The following ARFGEF2 variants were observed in gnomAD, a reference collection of about 807,000 sequenced individuals.
ARFGEF2 encodes brefeldin A-inhibited guanine nucleotide-exchange protein 2.
Under a neutral mutation model 219.9 loss-of-function variants are expected in ARFGEF2, and 74 were observed. The observed-to-expected ratio is 0.34, with a 90% CI of 0.28 to 0.41. The LOEUF (loss-of-function observed/expected upper bound fraction) is 0.41. Among genes scored for constraint, ARFGEF2 ranks in the 10% least tolerant of loss-of-function variants. The pLI is 1.00. For missense variants in ARFGEF2, 1,743 were observed against 2,218.3 expected (o/e 0.79, Z 4.30); for synonymous variants, 733 against 799.2 (o/e 0.92, Z 1.40).
intron 36 of ARFGEF2, among the ~76,000 whole-genome samples, chr20:49,026,860 ACAGGCAT>A (rs1016553364): frequency 6.6e-6 from 1 of 152,192 alleles, no homozygotes; most frequent in African/African-American, 2.4e-5. Context: ...TTCTAGGATT[ACAGGCAT>A]GAGCCACTGC....
chr20:49,016,988 AT>A (rs1821765884), intron 31 of ARFGEF2, among the ~76,000 whole-genome samples: 1 of 152,134 alleles, frequency 6.6e-6, no homozygotes, highest in South Asian at 2.1e-4. Flanking sequence ...TTCTATTACC[AT>A]TTTTCATACA....
chr20:48,971,003 G>A (rs890885837), intron 9 of ARFGEF2, 117 bp from the exon 10 acceptor site: 2 of 839,720 alleles, frequency 2.4e-6, no homozygotes, highest in Non-Finnish European at 4.0e-6. Flanking sequence ...TGACATTTAG[G>A]TGCTATTAAT....
intron 25 of ARFGEF2, chr20:48,999,253 T>C (rs1471626399): frequency 2.2e-6 from 1 of 453,136 alleles, no homozygotes; most frequent in Admixed American, 2.4e-5. Context: ...AAAAAATTAA[T>C]AATTGTTTTT....
At chr20:48,968,422 T>C (rs974527477) in intron 8 of ARFGEF2, among the ~76,000 whole-genome samples, 5 of 151,214 alleles carry the variant, frequency 3.3e-5, no homozygotes, top group South Asian at 2.1e-4. Context: ...TATTCTTTTT[T>C]TTACTTTTTT....
At chr20:48,946,669 G>A (rs2091030181) in intron 3 of ARFGEF2, among the ~76,000 whole-genome samples, 1 of 151,898 alleles carries the variant, frequency 6.6e-6, no homozygotes, top group South Asian at 2.1e-4. Context: ...GGGACCACGG[G>A]CTAATTTTTC....
intron 3 of ARFGEF2, among the ~76,000 whole-genome samples, chr20:48,950,990 C>G (rs745850662): frequency 1.3e-5 from 2 of 151,558 alleles, no homozygotes; most frequent in African/African-American, 4.9e-5. Flanking sequence ...TGTCTCCCTA[C>G]GCCGCCCCCC....
chr20:48,988,596 G>A lies in ARFGEF2; in HGVS notation c.2467G>A (p.Glu823Lys). 6.2e-7 allele frequency: 1 copy of A among 1,613,858 alleles called. No individual in the cohort carries two copies. Among genetic ancestry groups the A allele is most frequent in the Non-Finnish European group, 8.5e-7 (1 of 1,179,896 alleles). ...EYLSSIYEEI[E>K]GKKIAMKETK... ...TCTCTCAAGCATCTATGAAGAGATA[G>A]AAGGCAAGAAAATTGCAATGAAAGA... The change falls in exon 18 of 39, where the codon GAA becomes AAA. Residue 823 changes from glutamate to lysine, a missense_variant. Transcript: ENST00000371917.
intron 4 of ARFGEF2, 85 bp downstream of exon 4, chr20:48,951,554 A>T: frequency 4.4e-6 from 7 of 1,574,984 alleles, no homozygotes; most frequent in Non-Finnish European, 6.1e-6. Context: ...ACTATGTGTT[A>T]GTTGTCTCAG....
chr20:49,023,018 A>G (rs992969837), intron 34 of ARFGEF2, 33 bp from the exon 35 acceptor site: 1 of 1,613,792 alleles, frequency 6.2e-7, no homozygotes, highest in Middle Eastern at 1.7e-4. Context: ...TGGCTGAATC[A>G]TTATTAGGGT....
At chr20:49,025,552 A>G (rs2091597066) in intron 36 of ARFGEF2, 71 bp downstream of exon 36, 2 of 1,560,564 alleles carry the variant, frequency 1.3e-6, no homozygotes. Context: ...GTGCTTGGAA[A>G]ATGCCCAAAA....
chr20:49,027,148 G>C (rs1164793341), intron 36 of ARFGEF2, among the ~76,000 whole-genome samples: 2 of 151,600 alleles, frequency 1.3e-5, no homozygotes, highest in Non-Finnish European at 2.9e-5. Context: ...GCAGTGGCGT[G>C]ATCTTGGCTC....
At chr20:48,971,648 T>TC (rs2091228442) in intron 10 of ARFGEF2, among the ~76,000 whole-genome samples, 3 of 152,070 alleles carry the variant, frequency 2.0e-5, no homozygotes. Flanking sequence ...ACGCCTGTAA[T>TC]CCCAGCACTT....
In ARFGEF2 at chr20:48,991,181, G is replaced by A; in HGVS notation, c.2956G>A (p.Gly986Arg). ...GGCTCACACCGATGGCAACTACCTT[G>A]GGAATTCCTGGCATGAGGTACGTGT... is the stretch of plus-strand genomic sequence containing the variant. ...TVAHTDGNYL[G>R]NSWHEILKCI... The change falls in exon 21 of 39, where the codon GGG becomes AGG. Residue 986 changes from glycine (G) to arginine (R), a missense_variant. Coordinates refer to ENST00000371917, the MANE Select transcript of ARFGEF2 (RefSeq NM_006420.3). 6.2e-7 allele frequency: 1 copy of A among 1,614,164 alleles called. No homozygotes were observed. Among genetic ancestry groups the A allele is most frequent in the Non-Finnish European group, 8.5e-7 (1 of 1,180,032 alleles).
intron 25 of ARFGEF2, among the ~76,000 whole-genome samples, chr20:49,004,726 A>AG (rs1490446983): frequency 6.6e-6 from 1 of 151,838 alleles, no homozygotes; most frequent in African/African-American, 2.4e-5. Flanking sequence ...GGGGAGATGG[A>AG]GGTTGCAGTG....
intron 7 of ARFGEF2, among the ~76,000 whole-genome samples, 185 bp from the exon 8 acceptor site, chr20:48,965,687 G>A (rs943950068): frequency 1.3e-5 from 2 of 152,174 alleles, no homozygotes; most frequent in Non-Finnish European, 2.9e-5. Flanking sequence ...ACAAACACTC[G>A]TAAGGCTTAA....
chr20:49,017,826 C>T (rs1158850970), intron 33 of ARFGEF2, among the ~76,000 whole-genome samples: 2 of 152,200 alleles, frequency 1.3e-5, no homozygotes, highest in Non-Finnish European at 2.9e-5. Context: ...AATGAGGGAT[C>T]AGTTAGCATA....
chr20:48,954,380 G>A (rs1159829675), intron 6 of ARFGEF2, among the ~76,000 whole-genome samples: 1 of 152,192 alleles, frequency 6.6e-6, no homozygotes, highest in Admixed American at 6.5e-5. Context: ...ACTGGATTGA[G>A]TTGTTATAAG....
chr20:48,928,708 A>G (rs1353544067), intron 1 of ARFGEF2, among the ~76,000 whole-genome samples: 1 of 150,216 alleles, frequency 6.7e-6, no homozygotes, highest in Non-Finnish European at 1.5e-5. Context: ...GTTAGCCAGG[A>G]TGGTTTCGAT....
intron 23 of ARFGEF2, among the ~76,000 whole-genome samples, chr20:48,997,265 T>TATTTG (rs1555812754): frequency 6.6e-6 from 1 of 150,830 alleles, no homozygotes; most frequent in African/African-American, 2.4e-5. Context: ...ATATCTTATG[T>TATTTG]ATTGATTGAT....
Sources: gnomAD v4.1 joint callset for allele counts (sites outside exome capture counted in the v4.1 genomes callset) on GRCh38, gnomAD v4.1.1 for gene constraint, MANE v1.5 for transcripts, NCBI Gene and HGNC (gene_info 2026-07-23, HGNC 2026-07-21) for gene names.